The following TMEM132D variants were observed in gnomAD, a reference collection of about 807,000 sequenced individuals.
The protein encoded by TMEM132D is mature OL transmembrane protein.
In TMEM132D, 21 loss-of-function variants were observed where a neutral mutation model predicts 62.3. The ratio of observed to expected loss-of-function variants is 0.34; its 90% CI spans 0.24 to 0.49. TMEM132D has a LOEUF of 0.49. Ranked by LOEUF, TMEM132D falls within the 20% of genes least tolerant of loss-of-function variation. The pLI, the probability that TMEM132D is intolerant of heterozygous loss-of-function variation, is 0.99. For synonymous variants in TMEM132D, 621 were observed against 575.6 expected (o/e 1.08, Z -1.13); for missense variants, 1,346 against 1,402.8 (o/e 0.96, Z 0.65).
intron 2 of TMEM132D, among the ~76,000 whole-genome samples, chr12:129,586,692 G>A (rs762118591): frequency 6.6e-6 from 1 of 152,150 alleles, no homozygotes; most frequent in African/African-American, 2.4e-5. Context: ...AATAAGTGAC[G>A]TGGAGTTAGA....
chr12:129,709,656 A>G (rs1244672079), intron 1 of TMEM132D, among the ~76,000 whole-genome samples: 1 of 152,168 alleles, frequency 6.6e-6, no homozygotes, highest in Non-Finnish European at 1.5e-5. Flanking sequence ...AAAGCTCTCT[A>G]ATGCCTTTAA....
At chr12:129,761,836 G>C (rs1406044130) in intron 1 of TMEM132D, among the ~76,000 whole-genome samples, 3 of 152,100 alleles carry the variant, frequency 2.0e-5, no homozygotes, top group African/African-American at 7.2e-5. Flanking sequence ...AAATGAGCCT[G>C]CAAGATCTCA....
chr12:129,636,604 A>C (rs1879483965), intron 2 of TMEM132D, among the ~76,000 whole-genome samples: 1 of 152,062 alleles, frequency 6.6e-6, no homozygotes, highest in Admixed American at 6.6e-5. Flanking sequence ...TGTTTGGTCT[A>C]CATTTGTCAA....
chr12:129,244,936 C>T (rs1175516024), intron 4 of TMEM132D, among the ~76,000 whole-genome samples: 2 of 152,162 alleles, frequency 1.3e-5, no homozygotes, highest in Non-Finnish European at 2.9e-5. Flanking sequence ...CCACCACGCC[C>T]GGCCTGGTGT....
chr12:129,167,655 A>G (rs1877605387), intron 5 of TMEM132D, among the ~76,000 whole-genome samples: 1 of 151,886 alleles, frequency 6.6e-6, no homozygotes. Flanking sequence ...ATTCCTTAAC[A>G]CATACCTTCT....
intron 5 of TMEM132D, among the ~76,000 whole-genome samples, chr12:129,191,240 T>C (rs1878392249): frequency 6.6e-6 from 1 of 151,852 alleles, no homozygotes; most frequent in African/African-American, 2.4e-5. Context: ...TATACATATA[T>C]GTGTGCATAC....
intron 5 of TMEM132D, among the ~76,000 whole-genome samples, chr12:129,125,568 A>C (rs1454022940): frequency 6.7e-6 from 1 of 150,074 alleles, no homozygotes; most frequent in East Asian, 1.9e-4. Context: ...GCAGTGACAC[A>C]ATCACAGCTC....
chr12:129,559,826 C>A (rs189019674), intron 2 of TMEM132D, among the ~76,000 whole-genome samples: 1 of 152,274 alleles, frequency 6.6e-6, no homozygotes, highest in East Asian at 1.9e-4. Context: ...AAATCACAAG[C>A]ATACCCTTGC....
chr12:129,812,205 T>C (rs1025850210), intron 1 of TMEM132D, among the ~76,000 whole-genome samples: 1 of 151,604 alleles, frequency 6.6e-6, no homozygotes, highest in African/African-American at 2.4e-5. Context: ...TCAGCTCCAG[T>C]CCCAACCTTT....
rs1005938629 is a variant in TMEM132D, at chr12:129,810,297, A to AT, written c.79+92963dup. Reference sequence around the variant, plus strand: ...TTTCAGATGAAATGATTGTCCATATATTTTTTTTAAAATGCAAGATACTCC... The same window carrying AT: ...TTTCAGATGAAATGATTGTCCATATATTTTTTTTTAAAATGCAAGATACTCC... On this transcript the variant is annotated intron_variant, in intron 1 of 8. Coordinates refer to ENST00000422113, the MANE Select transcript of TMEM132D (RefSeq NM_133448.3). Among the ~76,000 whole-genome samples, 50 of 152,134 alleles carry AT rather than the reference A, an allele frequency of 3.3e-4. 1 individual carries two copies. The highest frequency in any genetic ancestry group is 9.2e-4 in the African/African-American group (38 of 41,504).
intron 3 of TMEM132D, among the ~76,000 whole-genome samples, chr12:129,473,492 G>C (rs752940405): frequency 6.6e-6 from 1 of 151,634 alleles, no homozygotes; most frequent in African/African-American, 2.4e-5. Flanking sequence ...ACCATGCCTG[G>C]CTAATTTTTT....
intron 2 of TMEM132D, among the ~76,000 whole-genome samples, chr12:129,553,168 T>C (rs1235988391): frequency 1.3e-5 from 2 of 152,130 alleles, no homozygotes; most frequent in Non-Finnish European, 1.5e-5. Flanking sequence ...GAGTCACTGC[T>C]TGTGGCTCAT....
intron 1 of TMEM132D, among the ~76,000 whole-genome samples, chr12:129,863,148 T>C (rs550495692): frequency 6.6e-6 from 1 of 152,316 alleles, no homozygotes; most frequent in South Asian, 2.1e-4. Flanking sequence ...CTATAATTTT[T>C]AGCTTGGGCA....
intron 1 of TMEM132D, among the ~76,000 whole-genome samples, chr12:129,808,411 C>G (rs555843306): frequency 6.6e-6 from 1 of 152,074 alleles, no homozygotes; most frequent in African/African-American, 2.4e-5. Flanking sequence ...AAAATAAAGA[C>G]GGGTACAGGG....
intron 1 of TMEM132D, among the ~76,000 whole-genome samples, chr12:129,878,146 A>G (rs1874486655): frequency 6.6e-6 from 1 of 152,134 alleles, no homozygotes; most frequent in Non-Finnish European, 1.5e-5. Flanking sequence ...CACTTATGAA[A>G]AGACTGTGCA....
At chr12:129,102,910 A>C (rs183430972) in intron 5 of TMEM132D, among the ~76,000 whole-genome samples, 1 of 152,382 alleles carries the variant, frequency 6.6e-6, no homozygotes, top group Admixed American at 6.5e-5. Flanking sequence ...TGCATTGCCC[A>C]GCACATTTAG....
intron 4 of TMEM132D, among the ~76,000 whole-genome samples, chr12:129,231,160 C>A (rs903074256): frequency 2.0e-5 from 3 of 152,202 alleles, no homozygotes; most frequent in African/African-American, 4.8e-5. Context: ...CAACACAAAG[C>A]CTAGGGCTAA....
chr12:129,623,692 T>TATAC (rs1400715454), intron 2 of TMEM132D, among the ~76,000 whole-genome samples: 75 of 137,464 alleles, frequency 5.5e-4, no homozygotes, highest in African/African-American at 2.1e-3. Flanking sequence ...TATACATATA[T>TATAC]ACATATATAT....
intron 5 of TMEM132D, among the ~76,000 whole-genome samples, chr12:129,095,020 C>T (rs1875053951): frequency 8.5e-6 from 1 of 117,362 alleles, no homozygotes; most frequent in South Asian, 3.1e-4. Context: ...CATCACACAC[C>T]AGGGCCTGTC....
Sources: gnomAD v4.1 joint callset for allele counts (sites outside exome capture counted in the v4.1 genomes callset) on GRCh38, gnomAD v4.1.1 for gene constraint, MANE v1.5 for transcripts, NCBI Gene and HGNC (gene_info 2026-07-23, HGNC 2026-07-21) for gene names.